ARAP1: variants seen among roughly 807,000 people sequenced by gnomAD.
ARAP1 encodes ArfGAP with RhoGAP domain, ankyrin repeat and PH domain 1.
ARAP1 carries 76 observed loss-of-function variants against 172.2 expected under a neutral mutation model. The ratio of observed to expected loss-of-function variants is 0.44; its 90% confidence interval spans 0.37 to 0.53. The LOEUF (loss-of-function observed/expected upper bound fraction) is 0.53, where lower values mean the gene tolerates loss of function less well. Among genes scored for constraint, ARAP1 ranks in the 20% least tolerant of loss-of-function variants. The pLI is 0.00. For missense variants in ARAP1, 1,686 were observed against 1,977.5 expected, an observed-to-expected ratio of 0.85 and a Z score of 2.80; for synonymous variants, 804 against 803.3, an observed-to-expected ratio of 1.00 and a Z score of -0.01.
At chr11:72,734,453 G>A (rs1052626014) in intron 1 of ARAP1, among the ~76,000 whole-genome samples, 1 of 152,166 alleles carries the variant, frequency 6.6e-6, no homozygotes, top group Non-Finnish European at 1.5e-5. Context: ...CAACCTTTAA[G>A]TAGCTAGCAC....
At chr11:72,740,748 G>A (rs926945273) in intron 1 of ARAP1, among the ~76,000 whole-genome samples, 3 of 152,130 alleles carry the variant, frequency 2.0e-5, no homozygotes, top group Non-Finnish European at 4.4e-5. Flanking sequence ...GTGGCCAGCA[G>A]CACAGAGCGC....
rs1856135325 is a variant in ARAP1, at chr11:72,695,314, C to T, written c.3576+73G>A. ...TCTCCTCGGGGTAGAAGCACTGCTC[C>T]CCTGGCCATCTGAGCCTGTACCTGG... On this transcript the variant is annotated intron_variant, in intron 26 of 34. Transcript: ENST00000393609. The surrounding 1 kb of genome is among the most constrained non-coding windows in gnomAD (Gnocchi z 4.4). The T allele has an allele frequency of 1.9e-6, 3 of 1,592,158 alleles. No individual in the cohort carries two copies. Among genetic ancestry groups the T allele is most frequent in the Non-Finnish European group, 2.6e-6 (3 of 1,161,868 alleles).
intron 3 of ARAP1, among the ~76,000 whole-genome samples, chr11:72,719,135 G>A (rs181188606): frequency 3.9e-5 from 6 of 152,236 alleles, no homozygotes; most frequent in East Asian, 1.9e-4. Flanking sequence ...CACCACAGCC[G>A]AGCAAACAAG....
rs1035778607 is a variant in ARAP1, at chr11:72,698,066, T to C, written c.2582A>G (p.Asp861Gly). 3 of 1,606,206 alleles carry C rather than the reference T, an allele frequency of 1.9e-6. No individual in the cohort carries two copies. The Admixed American group carries it at 5.1e-5, about 27-fold the overall frequency. The change falls in exon 19 of 35, where the codon GAT (aspartate) becomes GGT (glycine). Residue 861 changes from aspartate to glycine, a missense_variant. Physicochemically the swap from Asp to Gly is moderately conservative, Grantham distance 94. Transcript: ENST00000393609. ...PPLAEDLLAR[D>G]FERLGRLPYK... The stretch of plus-strand genomic sequence containing the variant: ...GGGTAGGCGTCCCAGCCGCTCAAAA[T>C]CCCGGGCCAGCAGATCCTCGGCTAG...
chr11:72,736,994 G>A (rs1858048724), intron 1 of ARAP1, among the ~76,000 whole-genome samples: 1 of 152,182 alleles, frequency 6.6e-6, no homozygotes, highest in Non-Finnish European at 1.5e-5. Context: ...CAATGAGTGA[G>A]TAAACCACAT....
Position 72,726,735 on chromosome 11 carries a change from G to A in ARAP1, c.394C>T (p.Pro132Ser), listed in dbSNP as rs1326936870. 1.3e-6 allele frequency: 2 copies of A among 1,549,010 alleles called. No homozygotes were observed. The highest frequency in any genetic ancestry group is 2.7e-5 in the African/African-American group (2 of 72,964). Residue 132 changes from proline (P) to serine (S), a missense_variant, in exon 3 of 35, where the codon CCA (proline) becomes TCA (serine). Coordinates refer to ENST00000393609, the MANE Select transcript of ARAP1 (RefSeq NM_001040118.3). This position sits in a 1 kb window ranked among gnomAD's most constrained non-coding sequence, Gnocchi z 6.5. ...SCLPPTCFTTPSTAAPDPVLP... is the reference protein window; with the variant it reads ...SCLPPTCFTTSSTAAPDPVLP... ...ACAGGGTCTGGGGCAGCTGTGGATG[G>A]GGTGGTGAAGCAGGTGGGCGGAAGG...
At chr11:72,704,728 C>T (rs959803591) in intron 13 of ARAP1, 1 of 190,892 alleles carries the variant, frequency 5.2e-6, no homozygotes, top group African/African-American at 2.4e-5. Context: ...ATTTTGGAAA[C>T]CTCTCCTATC....
chr11:72,699,336 C>G lies in ARAP1; in HGVS notation c.2438+81G>C, dbSNP rs944781011. 3 of 1,589,626 alleles carry G rather than the reference C, an allele frequency of 1.9e-6. No individual in the cohort carries two copies. In the Admixed American group the frequency reaches 5.1e-5, roughly 27 times the overall value. On this transcript the variant is annotated intron_variant, in intron 17 of 34. Coordinates refer to ENST00000393609, the MANE Select transcript of ARAP1 (RefSeq NM_001040118.3). This position sits in a 1 kb window ranked among gnomAD's most constrained non-coding sequence, Gnocchi z 4.2. ...GTGACTCTGCGGAGGTCCTCCCCTT[C>G]TCTGGGTCTATTTCCCTGTCTCCCC...
chr11:72,685,677 A>G lies in ARAP1; in HGVS notation c.4340T>C (p.Leu1447Pro). Residue 1447 changes from leucine (L) to proline (P), a missense_variant, in exon 35 of 35, where the codon CTG becomes CCG. Leu to Pro is a moderately conservative substitution (Grantham distance 98, BLOSUM62 -3). Coordinates refer to ENST00000393609, the MANE Select transcript of ARAP1 (RefSeq NM_001040118.3). ...AAFTADPLSL[L>P]RNV is the part of the protein sequence containing the mutation. ...GGGCTCCTGTGCTCAGACGTTGCGC[A>G]GAAGCTGCAGGAAGGCAAGAGACCC... 6.2e-7 allele frequency: 1 copy of G among 1,614,066 alleles called. No individual in the cohort carries two copies. The highest frequency in any genetic ancestry group is 8.5e-7 in the Non-Finnish European group (1 of 1,179,902).
Position 72,705,615 on chromosome 11 carries a change from G to T in ARAP1, c.1809+190C>A, listed in dbSNP as rs568389611. 2.6e-4 allele frequency: 135 copies of T among 521,108 alleles called. No individual in the cohort carries two copies. In the South Asian group the frequency reaches 3.9e-3, roughly 15 times the overall value. The allele number at this position is 521,108 out of a possible 1,614,324, so 32.3% of individuals were successfully genotyped here. A position where few individuals can be genotyped will look rare whatever the true frequency, so the allele number is the denominator to read the frequency against. On this transcript the variant is annotated intron_variant, in intron 13 of 34. Coordinates refer to ENST00000393609, the MANE Select transcript of ARAP1 (RefSeq NM_001040118.3). ...CTTTACAACTATAAAAACATTCTTA[G>T]CTCACTGGCCAGTTTGCTGACTTTG...
chr11:72,688,512 G>A lies in ARAP1; in HGVS notation c.4013C>T (p.Pro1338Leu). ...ETSHRPEKEW[P>L]IKSLKVYLGV... ...CAGGTAGACTTTGAGACTCTTAATA[G>A]GCCACTCCTTCTCAGGCCGGTGACT... is the stretch of plus-strand genomic sequence containing the variant. The change falls in exon 31 of 35, where the codon CCT (proline) becomes CTT (leucine). Residue 1338 changes from proline to leucine, a missense_variant. Coordinates refer to ENST00000393609, the MANE Select transcript of ARAP1 (RefSeq NM_001040118.3). The A allele has an allele frequency of 6.2e-7, 1 of 1,612,556 alleles. No homozygotes were observed. The highest frequency in any genetic ancestry group is 1.3e-5 in the African/African-American group (1 of 74,978).
chr11:72,686,239 A>G, intron 33 of ARAP1, 48 bp from the exon 34 acceptor site: 1 of 1,582,602 alleles, frequency 6.3e-7, no homozygotes, highest in Non-Finnish European at 8.6e-7. Context: ...GTTCACCCAG[A>G]CACTCAGCCT....
intron 2 of ARAP1, among the ~76,000 whole-genome samples, chr11:72,729,765 AC>A (rs1565229415): frequency 1.3e-5 from 2 of 151,528 alleles, no homozygotes; most frequent in Admixed American, 1.3e-4. Context: ...TAAAAAAAAA[AC>A]CTAAAAATTA....
Position 72,693,647 on chromosome 11 carries a change from A to T in ARAP1, c.3808+45T>A, listed in dbSNP as rs527974896. The T allele has an allele frequency of 6.4e-7, 1 of 1,555,984 alleles. No individual in the cohort carries two copies. The highest frequency in any genetic ancestry group is 1.2e-5 in the South Asian group (1 of 84,748). On this transcript the variant is annotated intron_variant, in intron 28 of 34. Transcript: ENST00000393609. The surrounding 1 kb of genome is among the most constrained non-coding windows in gnomAD (Gnocchi z 4.6). Reference sequence around the variant, plus strand: ...CACCAGGTCCCACCCTGGCTCTGGAAGAGAGGACCACCCGGAGCCTGGCCA... The same window carrying T: ...CACCAGGTCCCACCCTGGCTCTGGATGAGAGGACCACCCGGAGCCTGGCCA...
At chr11:72,715,149 T>C (rs562310571) in intron 3 of ARAP1, among the ~76,000 whole-genome samples, 2 of 152,340 alleles carry the variant, frequency 1.3e-5, no homozygotes, top group African/African-American at 4.8e-5. Context: ...ACCTAGCCCC[T>C]CTGAGCCTCA....
chr11:72,687,671 A>T lies in ARAP1; in HGVS notation c.4121+17T>A. 1.9e-6 allele frequency: 3 copies of T among 1,614,098 alleles called. No homozygotes were observed. The highest frequency in any genetic ancestry group is 2.5e-6 in the Non-Finnish European group (3 of 1,179,964). On this transcript the variant is annotated intron_variant, in intron 32 of 34. Transcript: ENST00000393609. ...TCTTTCCTCAGCCTGGGATCTCAGG[A>T]TGAGGCGCTCACTCACCACTGCTGC...
At chr11:72,712,704 C>T (rs1327167760) in intron 5 of ARAP1, 136 bp from the exon 6 acceptor site, 2 of 1,412,928 alleles carry the variant, frequency 1.4e-6, no homozygotes. Context: ...TCCTCACACT[C>T]CCCTCCCCCT....
rs1383892218 is a variant in ARAP1 at position 72,710,035 on chromosome 11, G to C, written c.1417-59C>G. The C allele has an allele frequency of 6.7e-6, 10 of 1,481,904 alleles. No homozygotes were observed. Among genetic ancestry groups the C allele is most frequent in the Non-Finnish European group, 7.5e-6 (8 of 1,060,736 alleles). 91.8% of individuals were successfully genotyped at this position (1,481,904 alleles called of 1,614,324 possible). On this transcript the variant is annotated intron_variant, in intron 10 of 34. Coordinates refer to ENST00000393609, the MANE Select transcript of ARAP1 (RefSeq NM_001040118.3). The surrounding 1 kb of genome is among the most constrained non-coding windows in gnomAD (Gnocchi z 4.3). ...CTTTGGGGGCAGGGCGTGAGGCTTGGGACAGGGAGAGGAAGGGAAGGTGGT... is the reference window on the plus strand; with the variant it reads ...CTTTGGGGGCAGGGCGTGAGGCTTGCGACAGGGAGAGGAAGGGAAGGTGGT...
intron 1 of ARAP1, among the ~76,000 whole-genome samples, chr11:72,734,841 C>CAAAAA (rs58338853): frequency 1.9e-5 from 2 of 103,918 alleles, no homozygotes; most frequent in African/African-American, 3.1e-5. Context: ...AGACTGAGCA[C>CAAAAA]AAAAAAAAAA....
Sources: gnomAD v4.1 joint callset for allele counts (sites outside exome capture counted in the v4.1 genomes callset) on GRCh38, gnomAD v4.1.1 for gene constraint, Gnocchi (gnomAD v3.1) non-coding constraint, MANE v1.5 for transcripts, NCBI Gene and HGNC (gene_info 2026-07-23, HGNC 2026-07-21) for gene names.